PABPC4L: variants seen among roughly 807,000 people sequenced by gnomAD.
The protein encoded by PABPC4L is poly(A) binding protein cytoplasmic 4 like, also known as polyadenylate-binding protein 4-like.
For missense variants in PABPC4L, 452 were observed against 451.4 expected (o/e 1.00, Z -0.01); for synonymous variants, 169 against 164.1 (o/e 1.03, Z -0.23).
At chr4:133,952,695 A>T in the PABPC4L span, among the ~76,000 whole-genome samples, 1 of 152,156 alleles carries the variant, frequency 6.6e-6, no homozygotes, top group Admixed American at 6.5e-5. Flanking sequence ...AACCCACACG[A>T]GGGGATTAAT....
the PABPC4L span, among the ~76,000 whole-genome samples, chr4:134,006,031 G>GTAA: frequency 2.0e-5 from 3 of 151,790 alleles, no homozygotes; most frequent in Non-Finnish European, 4.4e-5. Flanking sequence ...TTTAAGTTGT[G>GTAA]TAATATGTAT....
At chr4:134,110,465 G>GA in the PABPC4L span, among the ~76,000 whole-genome samples, 1 of 151,506 alleles carries the variant, frequency 6.6e-6, no homozygotes, top group Non-Finnish European at 1.5e-5. Context: ...TATATGCAGG[G>GA]AAAAATAAGA....
chr4:134,163,757 C>T, the PABPC4L span, among the ~76,000 whole-genome samples: 1 of 152,070 alleles, frequency 6.6e-6, no homozygotes, highest in East Asian at 1.9e-4. Context: ...ATGATCATCT[C>T]AATAGATACA....
At chr4:134,127,769 T>C in the PABPC4L span, among the ~76,000 whole-genome samples, 1 of 152,076 alleles carries the variant, frequency 6.6e-6, no homozygotes, top group Non-Finnish European at 1.5e-5. Flanking sequence ...AAGATCACAC[T>C]AGCTCATCAG....
At chr4:134,122,037 C>T in the PABPC4L span, among the ~76,000 whole-genome samples, 2 of 151,694 alleles carry the variant, frequency 1.3e-5, no homozygotes, top group Non-Finnish European at 2.9e-5. Context: ...ATATTTTAAT[C>T]AAATTTCATA....
At chr4:134,187,637 G>C in the PABPC4L span, among the ~76,000 whole-genome samples, 1 of 151,942 alleles carries the variant, frequency 6.6e-6, no homozygotes, top group Non-Finnish European at 1.5e-5. Context: ...GAATCAATAT[G>C]TATTTTTGGA....
At chr4:134,038,657 C>T in the PABPC4L span, among the ~76,000 whole-genome samples, 5 of 152,118 alleles carry the variant, frequency 3.3e-5, no homozygotes, top group South Asian at 2.1e-4. Context: ...TTTGTGGGAT[C>T]GGTGGTGATA....
chr4:134,124,604 A>G, the PABPC4L span, among the ~76,000 whole-genome samples: 2 of 152,110 alleles, frequency 1.3e-5, no homozygotes. Flanking sequence ...TCAGTGGTAC[A>G]CAGCAGTAGG....
At chr4:133,971,324 G>C in the PABPC4L span, among the ~76,000 whole-genome samples, 1 of 151,868 alleles carries the variant, frequency 6.6e-6, no homozygotes, top group African/African-American at 2.4e-5. Flanking sequence ...TGTTAGCCAG[G>C]ATGGTCTCCA....
the PABPC4L span, among the ~76,000 whole-genome samples, chr4:134,003,726 A>G: frequency 2.0e-5 from 3 of 151,908 alleles, no homozygotes; most frequent in African/African-American, 7.2e-5. Context: ...ACCGTCAATG[A>G]CAATAGAACA....
At chr4:134,143,243 A>G in the PABPC4L span, among the ~76,000 whole-genome samples, 10 of 150,578 alleles carry the variant, frequency 6.6e-5, no homozygotes, top group Admixed American at 2.7e-4. Context: ...GAGAAGATAT[A>G]TATCTTAATA....
chr4:134,030,310 TAGAGACTTGTTGA>T, the PABPC4L span, among the ~76,000 whole-genome samples: 4 of 152,092 alleles, frequency 2.6e-5, no homozygotes, highest in African/African-American at 9.7e-5. Flanking sequence ...TGGAACTTCC[TAGAGACTTGTTGA>T]ATGGCTTTGA....
At chr4:133,970,356 T>G in the PABPC4L span, among the ~76,000 whole-genome samples, 1 of 152,028 alleles carries the variant, frequency 6.6e-6, no homozygotes, top group Admixed American at 6.6e-5. Context: ...TCTTTCCTCA[T>G]TTTACATTCT....
At chr4:133,997,278 C>T in the PABPC4L span, among the ~76,000 whole-genome samples, 2 of 152,022 alleles carry the variant, frequency 1.3e-5, no homozygotes, top group East Asian at 3.9e-4. Flanking sequence ...TGTCAAAAGC[C>T]AAGACAGCAG....
chr4:134,200,804 G>A lies in PABPC4L; in HGVS notation c.216C>T (p.Asn72=). The A allele has an allele frequency of 2.6e-6, 4 of 1,552,292 alleles. No homozygotes were observed. Among genetic ancestry groups the A allele is most frequent in the Non-Finnish European group, 3.5e-6 (4 of 1,147,312 alleles). ...TGGATTTGCCTTTTATGATGTCAAAGTTCATTGTGTCCAGCGCCTTCTGGG... is the reference window on the plus strand; with the variant it reads ...TGGATTTGCCTTTTATGATGTCAAAATTCATTGTGTCCAGCGCCTTCTGGG... ...ADAQKALDTM[N]FDIIKGKSIR... Residue 72 remains asparagine (N), a synonymous_variant, in exon 2 of 2, where the codon AAC becomes AAT. Coordinates refer to ENST00000421491, the MANE Select transcript of PABPC4L (RefSeq NM_001114734.2).
the PABPC4L span, among the ~76,000 whole-genome samples, chr4:134,151,612 AT>A: frequency 6.6e-6 from 1 of 152,042 alleles, no homozygotes; most frequent in Non-Finnish European, 1.5e-5. Flanking sequence ...GAATACCTAC[AT>A]TTAAATAGTA....
chr4:134,168,414 CAAT>C, the PABPC4L span, among the ~76,000 whole-genome samples: 3 of 150,784 alleles, frequency 2.0e-5, no homozygotes, highest in Non-Finnish European at 4.4e-5. Flanking sequence ...GAAATAGTAA[CAAT>C]GAGAACAGAA....
the PABPC4L span, among the ~76,000 whole-genome samples, chr4:134,117,053 CCTTT>C: frequency 0.093 from 13,977 of 150,008 alleles, 696 homozygotes; most frequent in South Asian, 0.13. Context: ...TTTTTTCTAT[CCTTT>C]CTTTCTTCTA....
rs1021563236 is a variant in PABPC4L at position 134,198,559 on chromosome 4, A to G, written c.*1348T>C. 2 of 151,864 alleles carry G rather than the reference A, an allele frequency of 1.3e-5. No individual in the cohort carries two copies. The highest frequency in any genetic ancestry group is 6.6e-5 in the Admixed American group (1 of 15,254). 9.4% of individuals were successfully genotyped at this position (151,864 alleles called of 1,614,324 possible). A position where few individuals can be genotyped will look rare whatever the true frequency, so the allele number is the denominator to read the frequency against. ...TGAGAAAAAACTAAGCCAAGTAAAAATATGAAAACAGTAAAAACAAAAGCA... is the reference window on the plus strand; with the variant it reads ...TGAGAAAAAACTAAGCCAAGTAAAAGTATGAAAACAGTAAAAACAAAAGCA... On this transcript the variant is annotated 3_prime_UTR_variant, in exon 2 of 2. Coordinates refer to ENST00000421491, the MANE Select transcript of PABPC4L (RefSeq NM_001114734.2).
Sources: gnomAD v4.1 joint callset for allele counts (sites outside exome capture counted in the v4.1 genomes callset) on GRCh38, gnomAD v4.1.1 for gene constraint, MANE v1.5 for transcripts, NCBI Gene and HGNC (gene_info 2026-07-23, HGNC 2026-07-21) for gene names.